The following CNTN5 variants were observed in gnomAD, a reference collection of about 807,000 sequenced individuals.
CNTN5 encodes the protein contactin 5, also known as contactin-5.
Under a neutral mutation model 129.1 loss-of-function variants are expected in CNTN5, and 77 were observed. That is an observed-to-expected ratio of 0.60 (90% CI 0.50 to 0.72). CNTN5 has a LOEUF of 0.72. Among genes scored for constraint, CNTN5 ranks in the 30% least tolerant of loss-of-function variants. The pLI, the probability that CNTN5 is intolerant of heterozygous loss-of-function variation, is 0.00. For synonymous variants in CNTN5, 509 were observed against 465.6 expected, an observed-to-expected ratio of 1.09 and a Z score of -1.20; for missense variants, 1,478 against 1,328.8, an observed-to-expected ratio of 1.11 and a Z score of -1.75.
At chr11:99,215,896 G>A (rs191413820) in intron 1 of CNTN5, among the ~76,000 whole-genome samples, 164 of 152,142 alleles carry the variant, frequency 1.1e-3, no homozygotes, top group Non-Finnish European at 1.9e-3. Context: ...ATTATTAATC[G>A]TCAGTGCATA....
intron 7 of CNTN5, among the ~76,000 whole-genome samples, chr11:99,923,468 A>T (rs184273821): frequency 6.6e-6 from 1 of 152,216 alleles, no homozygotes; most frequent in Non-Finnish European, 1.5e-5. Flanking sequence ...GCTATCATTT[A>T]TAGATACTTT....
At chr11:99,575,334 T>C (rs1949310417) in intron 3 of CNTN5, among the ~76,000 whole-genome samples, 1 of 152,198 alleles carries the variant, frequency 6.6e-6, no homozygotes, top group South Asian at 2.1e-4. Context: ...TGAGATTTCT[T>C]TTCCCCTCAC....
At chr11:99,554,669 A>C (rs1494470) in intron 2 of CNTN5, among the ~76,000 whole-genome samples, 83,026 of 151,840 alleles carry the variant, frequency 0.55, 22,878 homozygotes, top group South Asian at 0.66. Flanking sequence ...CAGAATTCAC[A>C]ATTTCAAAAA....
chr11:99,318,683 C>T (rs1463552351), intron 1 of CNTN5, among the ~76,000 whole-genome samples: 1 of 152,044 alleles, frequency 6.6e-6, no homozygotes, highest in Non-Finnish European at 1.5e-5. Flanking sequence ...TCCCACTACT[C>T]CCCCATGAAG....
intron 2 of CNTN5, among the ~76,000 whole-genome samples, chr11:99,543,621 A>G (rs751043576): frequency 1.3e-5 from 2 of 152,166 alleles, no homozygotes; most frequent in Non-Finnish European, 2.9e-5. Context: ...GCTTTATTAG[A>G]TATAATAGAA....
intron 3 of CNTN5, among the ~76,000 whole-genome samples, chr11:99,645,408 A>T (rs1445808399): frequency 6.6e-6 from 1 of 152,012 alleles, no homozygotes; most frequent in Admixed American, 6.6e-5. Flanking sequence ...GCTGGGTCAG[A>T]TGGTATTCCT....
intron 3 of CNTN5, among the ~76,000 whole-genome samples, chr11:99,559,583 T>C (rs773118928): frequency 1.3e-5 from 2 of 152,196 alleles, no homozygotes; most frequent in Non-Finnish European, 2.9e-5. Context: ...TACAGATTGA[T>C]GGGAACTCTC....
At chr11:99,489,903 A>G (rs769687633) in intron 2 of CNTN5, among the ~76,000 whole-genome samples, 1 of 152,200 alleles carries the variant, frequency 6.6e-6, no homozygotes, top group Non-Finnish European at 1.5e-5. Context: ...GAAAACATTT[A>G]AAAAAGGAAG....
intron 20 of CNTN5, among the ~76,000 whole-genome samples, chr11:100,304,073 C>G (rs1479091835): frequency 6.6e-6 from 1 of 151,568 alleles, no homozygotes; most frequent in Non-Finnish European, 1.5e-5. Flanking sequence ...CCCCATATTA[C>G]ATGAAGAACT....
intron 3 of CNTN5, among the ~76,000 whole-genome samples, chr11:99,796,171 C>G (rs1366082782): frequency 6.6e-6 from 1 of 152,068 alleles, no homozygotes; most frequent in Non-Finnish European, 1.5e-5. Flanking sequence ...ACAGAGCTGG[C>G]AGTATTTGTG....
intron 1 of CNTN5, among the ~76,000 whole-genome samples, chr11:99,192,952 T>C (rs777260902): frequency 2.6e-5 from 4 of 152,088 alleles, no homozygotes; most frequent in Non-Finnish European, 4.4e-5. Context: ...CATTTGTGTA[T>C]TGTACATAAT....
intron 13 of CNTN5, among the ~76,000 whole-genome samples, chr11:100,138,505 G>A (rs1208473581): frequency 6.6e-6 from 1 of 151,954 alleles, no homozygotes; most frequent in Non-Finnish European, 1.5e-5. Flanking sequence ...GGAATAGAAT[G>A]CCAAAAAATA....
chr11:99,819,302 T>TTCCTCCCCTCTTCTC (rs150739162), intron 3 of CNTN5, among the ~76,000 whole-genome samples: 1 of 4,818 alleles, frequency 2.1e-4, no homozygotes, highest in Non-Finnish European at 4.1e-4. Context: ...CTCCTCCCCT[T>TTCCTCCCCTCTTCTC]CCCTCCCCTC....
chr11:100,092,313 T>C (rs1346299933), intron 13 of CNTN5, among the ~76,000 whole-genome samples: 1 of 152,132 alleles, frequency 6.6e-6, no homozygotes, highest in African/African-American at 2.4e-5. Context: ...TTTCTCATCT[T>C]TACTTCATTT....
In CNTN5 at chr11:99,849,201, T is replaced by C. The variant is rs192972925; in HGVS notation, c.577+3939T>C. On this transcript the variant is annotated intron_variant, in intron 6 of 24. Transcript: ENST00000524871. ...ACTAACAATTATTATACATATTTAT[T>C]GTGATAAGATAAATATTAAATATAA... is the stretch of plus-strand genomic sequence containing the variant. 4.5e-3 allele frequency among the ~76,000 whole-genome samples: 679 copies of C among 151,686 alleles called. 4 individuals are homozygous for C. The highest frequency in any genetic ancestry group is 0.014 in the African/African-American group (572 of 41,452).
chr11:99,690,651 C>G, intron 3 of CNTN5, among the ~76,000 whole-genome samples: 1 of 152,066 alleles, frequency 6.6e-6, no homozygotes, highest in East Asian at 1.9e-4. Context: ...TTTCTCTGAG[C>G]AAGCAGTCAT....
chr11:99,141,087 T>C (rs1354110812), intron 1 of CNTN5, among the ~76,000 whole-genome samples: 2 of 152,194 alleles, frequency 1.3e-5, no homozygotes, highest in Non-Finnish European at 2.9e-5. Context: ...CTCTTTCTTA[T>C]ACAACTGGTA....
intron 6 of CNTN5, among the ~76,000 whole-genome samples, chr11:99,892,599 C>T (rs1949092505): frequency 6.6e-6 from 1 of 152,112 alleles, no homozygotes; most frequent in Non-Finnish European, 1.5e-5. Flanking sequence ...TTCCCCATTG[C>T]TTGTTTTTGT....
At chr11:100,178,354 C>G (rs1948034185) in intron 13 of CNTN5, among the ~76,000 whole-genome samples, 1 of 152,166 alleles carries the variant, frequency 6.6e-6, no homozygotes, top group Non-Finnish European at 1.5e-5. Flanking sequence ...AAATCTTCGT[C>G]TACTTCCTCC....
Sources: allele counts gnomAD v4.1 joint callset (sites outside exome capture counted in the v4.1 genomes callset), GRCh38; gene constraint gnomAD v4.1.1; transcripts MANE v1.5; gene names NCBI Gene and HGNC (gene_info 2026-07-23, HGNC 2026-07-21).